The following CPVL variants were observed in gnomAD, a reference collection of about 807,000 sequenced individuals.
The protein encoded by CPVL is probable serine carboxypeptidase CPVL.
A neutral mutation model predicts 63.7 loss-of-function variants in CPVL; 51 were observed. The ratio of observed to expected loss-of-function variants is 0.80; its 90% CI spans 0.64 to 1.01. The LOEUF (loss-of-function observed/expected upper bound fraction) is 1.01. Ranked by LOEUF, CPVL falls within the 50% of genes least tolerant of loss-of-function variation. The pLI, the probability that CPVL is intolerant of heterozygous loss-of-function variation, is 0.00. For synonymous variants in CPVL, 195 were observed against 206.0 expected (o/e 0.95, Z 0.46); for missense variants, 530 against 573.1 (o/e 0.92, Z 0.77).
At chr7:29,135,641 C>A (rs936784213) in intron 1 of CPVL, among the ~76,000 whole-genome samples, 15 of 152,046 alleles carry the variant, frequency 9.9e-5, no homozygotes, top group African/African-American at 3.4e-4. Context: ...CTATATCAAT[C>A]ATGAGAATAA....
At chr7:29,039,024 A>T (rs1246189026) in intron 11 of CPVL, among the ~76,000 whole-genome samples, 2 of 152,206 alleles carry the variant, frequency 1.3e-5, no homozygotes, top group Non-Finnish European at 2.9e-5. Flanking sequence ...CTGTCTTTCA[A>T]ATGCTTCAGA....
At chr7:29,148,278 G>A (rs1793055677), upstream of CPVL, among the ~76,000 whole-genome samples, 1 of 152,148 alleles carries the variant, frequency 6.6e-6, no homozygotes, top group African/African-American at 2.4e-5. Context: ...GTGCCCACGT[G>A]GAACCACTTA....
At chr7:29,047,180 A>G (rs985273714) in intron 11 of CPVL, among the ~76,000 whole-genome samples, 5 of 152,174 alleles carry the variant, frequency 3.3e-5, no homozygotes, top group African/African-American at 1.2e-4. Flanking sequence ...AGTGGGCCTG[A>G]TTAGGTGTTG....
intron 12 of CPVL, among the ~76,000 whole-genome samples, chr7:29,021,511 G>A (rs1035360828): frequency 6.6e-6 from 1 of 152,222 alleles, no homozygotes; most frequent in African/African-American, 2.4e-5. Context: ...GGAAAGGGAA[G>A]TGAAGCAGCT....
chr7:29,169,756 A>G (rs529306935), intron 5 of CPVL, among the ~76,000 whole-genome samples: 1 of 152,050 alleles, frequency 6.6e-6, no homozygotes, highest in South Asian at 2.1e-4. Context: ...CTGTTTGCTC[A>G]GTCAGAGCTG....
chr7:29,004,947 A>G (rs28497960), intron 12 of CPVL, among the ~76,000 whole-genome samples: 18,841 of 142,554 alleles, frequency 0.13, 3,669 homozygotes, highest in African/African-American at 0.44. Context: ...CCCAGGCTGG[A>G]GTGCAGTGAT....
intron 4 of CPVL, among the ~76,000 whole-genome samples, chr7:29,182,999 A>G (rs944125616): frequency 2.0e-5 from 3 of 152,214 alleles, no homozygotes; most frequent in African/African-American, 7.2e-5. Context: ...GGATATATGA[A>G]AACAGCAGAG....
chr7:29,188,531 AT>A (rs199767389), intron 1 of CPVL, among the ~76,000 whole-genome samples: 8 of 149,758 alleles, frequency 5.3e-5, no homozygotes, highest in Non-Finnish European at 8.9e-5. Context: ...TCCTTTTTTT[AT>A]TTTTTTTTTA....
At chr7:29,147,108 G>A (rs1310068521), upstream of CPVL, 1 of 1,080,892 alleles carries the variant, frequency 9.3e-7, no homozygotes, top group Non-Finnish European at 1.3e-6. Context: ...AACCCATCCA[G>A]GGTCACATTG....
intron 11 of CPVL, among the ~76,000 whole-genome samples, chr7:29,063,613 C>G (rs1380835966): frequency 6.6e-6 from 1 of 151,950 alleles, no homozygotes; most frequent in Non-Finnish European, 1.5e-5. Flanking sequence ...CTCTGTTGCC[C>G]AGGCTGGAGT....
intron 11 of CPVL, among the ~76,000 whole-genome samples, chr7:29,049,844 G>A (rs1056307284): frequency 2.0e-5 from 3 of 152,072 alleles, no homozygotes; most frequent in African/African-American, 7.2e-5. Context: ...TCATACCAGG[G>A]ATGCAGGGAT....
At chr7:29,132,044 G>C (rs1307410756) in intron 1 of CPVL, among the ~76,000 whole-genome samples, 1 of 152,196 alleles carries the variant, frequency 6.6e-6, no homozygotes, top group Non-Finnish European at 1.5e-5. Flanking sequence ...GAGCTTTTAA[G>C]AAAATCAAAG....
At chr7:29,058,923 T>C (rs906948186) in intron 11 of CPVL, among the ~76,000 whole-genome samples, 3 of 152,102 alleles carry the variant, frequency 2.0e-5, no homozygotes, top group African/African-American at 7.2e-5. Context: ...TTTCTGAGCT[T>C]CTGGAATCTG....
intron 3 of CPVL, among the ~76,000 whole-genome samples, chr7:29,184,962 G>A (rs1363957680): frequency 6.6e-6 from 1 of 152,160 alleles, no homozygotes; most frequent in East Asian, 1.9e-4. Flanking sequence ...TCGCCTCTCT[G>A]TTGCTGCCAC....
At chr7:29,063,921 C>G (rs962656946) in intron 11 of CPVL, 140 bp downstream of exon 11, 26 of 600,328 alleles carry the variant, frequency 4.3e-5, no homozygotes, top group African/African-American at 4.0e-4. Context: ...TGGAATCAAA[C>G]AAAGAAAGGG....
chr7:29,097,122 A>G (rs941003871), intron 3 of CPVL, among the ~76,000 whole-genome samples: 1 of 152,178 alleles, frequency 6.6e-6, no homozygotes, highest in Non-Finnish European at 1.5e-5. Flanking sequence ...AAAACCCTGA[A>G]CAAGGTACAG....
chr7:29,138,758 A>C (rs1791526332), intron 1 of CPVL, among the ~76,000 whole-genome samples: 1 of 152,158 alleles, frequency 6.6e-6, no homozygotes, highest in Non-Finnish European at 1.5e-5. Context: ...CTTACCAATG[A>C]TAGCGCTTTG....
intron 7 of CPVL, among the ~76,000 whole-genome samples, chr7:29,080,088 C>T (rs984673711): frequency 2.6e-5 from 4 of 151,862 alleles, no homozygotes; most frequent in Admixed American, 6.6e-5. Context: ...GGGCCTGGGA[C>T]ATAGTACAGG....
At chr7:29,166,193 G>GT (rs563442024) in intron 5 of CPVL, among the ~76,000 whole-genome samples, 146 of 151,296 alleles carry the variant, frequency 9.6e-4, no homozygotes, top group African/African-American at 2.8e-3. Context: ...ACCACATCCA[G>GT]TTTTTTTTTG....
Sources: allele counts gnomAD v4.1 joint callset (sites outside exome capture counted in the v4.1 genomes callset), GRCh38; gene constraint gnomAD v4.1.1; transcripts MANE v1.5; gene names NCBI Gene and HGNC (gene_info 2026-07-23, HGNC 2026-07-21).